Variants in GBE1 observed in about 807,000 individuals in gnomAD.
GBE1 encodes the protein 1,4-alpha-glucan branching enzyme 1.
Under a neutral mutation model 88.8 loss-of-function variants are expected in GBE1, and 70 were observed. The observed-to-expected ratio is 0.79, with a 90% CI of 0.65 to 0.96. The LOEUF (loss-of-function observed/expected upper bound fraction) is 0.96. Ranked by LOEUF, GBE1 falls within the 40% of genes least tolerant of loss-of-function variation. The pLI, the probability that GBE1 is intolerant of heterozygous loss-of-function variation, is 0.00. For missense variants in GBE1, 872 were observed against 871.0 expected (o/e 1.00, Z -0.01); for synonymous variants, 284 against 300.1 (o/e 0.95, Z 0.56).
At chr3:81,746,035 G>T (rs932722789) in intron 1 of GBE1, among the ~76,000 whole-genome samples, 7 of 152,144 alleles carry the variant, frequency 4.6e-5, no homozygotes, top group African/African-American at 1.7e-4. Flanking sequence ...CATTAGTTAA[G>T]ATTTAACCAA....
At chr3:81,662,671 A>AG (rs1007006072) in intron 3 of GBE1, among the ~76,000 whole-genome samples, 3 of 151,828 alleles carry the variant, frequency 2.0e-5, no homozygotes, top group African/African-American at 7.2e-5. Context: ...GTAAAAAAAA[A>AG]AAAAAAGAAA....
chr3:81,563,542 A>G (rs1027605400), intron 12 of GBE1, among the ~76,000 whole-genome samples: 5 of 152,098 alleles, frequency 3.3e-5, no homozygotes, highest in Non-Finnish European at 7.4e-5. Flanking sequence ...GCTAGAATTA[A>G]TGCCCATTGT....
rs191303433 is a variant in GBE1, at chr3:81,670,691, C to T, written c.429+147G>A. 181 of 530,086 alleles carry T rather than the reference C, an allele frequency of 3.4e-4. 1 individual carries two copies. Among genetic ancestry groups the T allele is most frequent in the African/African-American group, 2.7e-3 (134 of 49,508 alleles). The allele number at this position is 530,086 out of a possible 1,614,324, so 32.8% of individuals were successfully genotyped here. On this transcript the variant is annotated intron_variant, in intron 3 of 15. Transcript: ENST00000429644. The stretch of plus-strand genomic sequence containing the variant: ...ACCCAGTTCAACTCAAGACTTCCTC[C>T]TAAATTTCCCTCTATTTGTACATTT...
At chr3:81,725,887 G>A (rs1706105566) in intron 1 of GBE1, among the ~76,000 whole-genome samples, 1 of 152,160 alleles carries the variant, frequency 6.6e-6, no homozygotes, top group South Asian at 2.1e-4. Context: ...CATGAGCTGT[G>A]TTTCAAGCTT....
At position 81,750,615 on chromosome 3, in the gene GBE1, A is replaced by ATATATATATG. The variant is rs1706503140; in HGVS notation, c.143+10759_143+10760insCATATATATA. ...TATATATATATGTGTATATATATAT[A>ATATATATATG]TGTATATATATATACGTATATATAT... On this transcript the variant is annotated intron_variant, in intron 1 of 15. Coordinates refer to ENST00000429644, the MANE Select transcript of GBE1 (RefSeq NM_000158.4). 1.0e-4 allele frequency among the ~76,000 whole-genome samples: 7 copies of ATATATATATG among 69,528 alleles called. 2 individuals carry two copies. Among genetic ancestry groups the ATATATATATG allele is most frequent in the African/African-American group, 5.3e-4 (6 of 11,300 alleles). The allele number at this position is 69,528 out of a possible 152,430, so 45.6% of individuals were successfully genotyped here.
intron 3 of GBE1, among the ~76,000 whole-genome samples, chr3:81,656,893 C>T (rs550196213): frequency 5.3e-5 from 8 of 152,136 alleles, no homozygotes; most frequent in African/African-American, 1.9e-4. Context: ...GTGTGGCTCA[C>T]GCTTGTAATC....
chr3:81,581,524 T>G (rs1222320116), intron 10 of GBE1, among the ~76,000 whole-genome samples: 1 of 151,926 alleles, frequency 6.6e-6, no homozygotes, highest in Non-Finnish European at 1.5e-5. Context: ...GTGCAGACAG[T>G]TTAATCATTA....
At position 81,600,829 on chromosome 3, in the gene GBE1, A is replaced by G. The variant is rs147586385; in HGVS notation, c.993-6806T>C. ...TTTTAGAGAGGAGATGAACTGGGAA[A>G]AACTAGCTGTACAGCAATTGAGGTA... On this transcript the variant is annotated intron_variant, in intron 7 of 15. Transcript: ENST00000429644. 1.5e-3 allele frequency among the ~76,000 whole-genome samples: 222 copies of G among 152,258 alleles called. 3 individuals carry two copies. Among genetic ancestry groups the G allele is most frequent in the Non-Finnish European group, 1.6e-3 (109 of 68,020 alleles).
chr3:81,669,762 T>C (rs942676982), intron 3 of GBE1, among the ~76,000 whole-genome samples: 1 of 152,154 alleles, frequency 6.6e-6, no homozygotes, highest in Non-Finnish European at 1.5e-5. Context: ...TCACTATAGA[T>C]TAAAAGGAAC....
intron 7 of GBE1, among the ~76,000 whole-genome samples, chr3:81,626,737 T>TA (rs58831741): frequency 0.28 from 39,956 of 141,256 alleles, 5,671 homozygotes; most frequent in East Asian, 0.39. Context: ...TCAGACTCAT[T>TA]AAAAAAAAAA....
In GBE1 at chr3:81,547,527, C is replaced by T. The variant is rs146317588; in HGVS notation, c.1619-10432G>A. Among the ~76,000 whole-genome samples, 290 of 151,206 alleles carry T rather than the reference C, an allele frequency of 1.9e-3. 8 individuals carry two copies. Among genetic ancestry groups the T allele is most frequent in the Admixed American group, 6.3e-3 (95 of 15,174 alleles). ...CAGCCAGGGCTTTGGTGCAGCCAGC[C>T]GGGTCACTGGGGCCACTCAGGGCAA... On this transcript the variant is annotated intron_variant, in intron 12 of 15. Coordinates refer to ENST00000429644, the MANE Select transcript of GBE1 (RefSeq NM_000158.4).
chr3:81,586,469 CAT>C (rs1322197726), intron 9 of GBE1, among the ~76,000 whole-genome samples: 1 of 152,170 alleles, frequency 6.6e-6, no homozygotes, highest in Non-Finnish European at 1.5e-5. Flanking sequence ...ATTGCTAAAA[CAT>C]AGTTTCTTAT....
At chr3:81,648,320 T>G (rs1170159830) in intron 5 of GBE1, among the ~76,000 whole-genome samples, 1 of 152,130 alleles carries the variant, frequency 6.6e-6, no homozygotes, top group Non-Finnish European at 1.5e-5. Context: ...TTCTTTACTC[T>G]CCTGTTTGTT....
intron 1 of GBE1, among the ~76,000 whole-genome samples, chr3:81,749,578 T>C (rs752869010): frequency 1.3e-5 from 2 of 152,172 alleles, no homozygotes. Flanking sequence ...TGTGATAAAA[T>C]TGTATAGAAG....
rs182369210 is a variant in GBE1 at position 81,494,037 on chromosome 3, C to G, written c.2053-3574G>C. ...TAATGCAATATGCTAAAAAAAAAACCCTTTGGTTCACAATTGTACAGTATC... is the reference window on the plus strand; with the variant it reads ...TAATGCAATATGCTAAAAAAAAAACGCTTTGGTTCACAATTGTACAGTATC... On this transcript the variant is annotated intron_variant, in intron 15 of 15. Transcript: ENST00000429644. Among the ~76,000 whole-genome samples the G allele has an allele frequency of 7.2e-5, 11 of 151,886 alleles. No homozygotes were observed. The South Asian group carries it at 8.3e-4, about 12-fold the overall frequency.
intron 2 of GBE1, among the ~76,000 whole-genome samples, chr3:81,704,699 G>A (rs1705747728): frequency 6.6e-6 from 1 of 151,954 alleles, no homozygotes; most frequent in East Asian, 1.9e-4. Context: ...CTTTACCAAG[G>A]CCTATTTTTT....
At chr3:81,671,615 GAAAAT>G (rs764029942) in intron 2 of GBE1, among the ~76,000 whole-genome samples, 23 of 152,064 alleles carry the variant, frequency 1.5e-4, no homozygotes, top group Non-Finnish European at 2.5e-4. Flanking sequence ...TTATCCTTAT[GAAAAT>G]AAAATAAAAT....
chr3:81,528,302 C>G (rs1403951755), intron 14 of GBE1, among the ~76,000 whole-genome samples: 2 of 151,508 alleles, frequency 1.3e-5, no homozygotes, highest in African/African-American at 4.9e-5. Flanking sequence ...TGCAAGCACA[C>G]CAACATGGCA....
intron 12 of GBE1, among the ~76,000 whole-genome samples, chr3:81,551,043 A>C (rs1214858584): frequency 6.6e-6 from 1 of 152,184 alleles, no homozygotes; most frequent in African/African-American, 2.4e-5. Context: ...CTGTTTTAAA[A>C]CAAAATGCTT....
Sources: gnomAD v4.1 joint callset for allele counts (sites outside exome capture counted in the v4.1 genomes callset) on GRCh38, gnomAD v4.1.1 for gene constraint, MANE v1.5 for transcripts, NCBI Gene and HGNC (gene_info 2026-07-23, HGNC 2026-07-21) for gene names.